EDIL3: variants seen among roughly 807,000 people sequenced by gnomAD.
EDIL3 encodes the protein EGF like and discoidin domains 3, also known as EGF-like repeat and discoidin I-like domain-containing protein 3.
Under a neutral mutation model 67.4 loss-of-function variants are expected in EDIL3, and 37 were observed. The ratio of observed to expected loss-of-function variants is 0.55; its 90% confidence interval spans 0.42 to 0.72. EDIL3 has a LOEUF of 0.72. Among genes scored for constraint, EDIL3 ranks in the 30% least tolerant of loss-of-function variants. The pLI, the probability that EDIL3 is intolerant of heterozygous loss-of-function variation, is 0.00. For synonymous variants in EDIL3, 195 were observed against 196.3 expected, an observed-to-expected ratio of 0.99 and a Z score of 0.05; for missense variants, 527 against 586.3, an observed-to-expected ratio of 0.90 and a Z score of 1.04.
At chr5:84,353,344 T>C (rs978571722) in intron 1 of EDIL3, among the ~76,000 whole-genome samples, 1 of 152,188 alleles carries the variant, frequency 6.6e-6, no homozygotes, top group African/African-American at 2.4e-5. Flanking sequence ...GATTGAGCTC[T>C]GAAGACTTAT....
At chr5:84,351,651 A>C (rs1033861581) in intron 1 of EDIL3, among the ~76,000 whole-genome samples, 1 of 152,204 alleles carries the variant, frequency 6.6e-6, no homozygotes, top group African/African-American at 2.4e-5. Context: ...TCATTTATGA[A>C]TTATTGCCTG....
chr5:84,129,267 C>T (rs2112306531), intron 5 of EDIL3, among the ~76,000 whole-genome samples: 1 of 152,044 alleles, frequency 6.6e-6, no homozygotes, highest in South Asian at 2.1e-4. Context: ...GAAATTGTTT[C>T]TTTCTTTATT....
intron 9 of EDIL3, among the ~76,000 whole-genome samples, chr5:83,988,101 T>C (rs1745087950): frequency 6.6e-6 from 1 of 152,036 alleles, no homozygotes; most frequent in African/African-American, 2.4e-5. Flanking sequence ...AAATCCACAC[T>C]AAAATTGATC....
rs137906410 is a variant in EDIL3 at position 84,249,312 on chromosome 5, C to T, written c.196+4772G>A. Among the ~76,000 whole-genome samples the T allele has an allele frequency of 2.8e-3, 421 of 152,232 alleles. 3 individuals carry two copies. Among genetic ancestry groups the T allele is most frequent in the African/African-American group, 9.6e-3 (399 of 41,542 alleles). ...GCATTCCTTTACACTTAGCTTAAAG[C>T]AAGACATCTGCTTTATATTTTTATG... On this transcript the variant is annotated intron_variant, in intron 2 of 10. Coordinates refer to ENST00000296591, the MANE Select transcript of EDIL3 (RefSeq NM_005711.5).
chr5:84,142,791 A>G (rs1462444649), intron 4 of EDIL3, among the ~76,000 whole-genome samples: 1 of 151,366 alleles, frequency 6.6e-6, no homozygotes, highest in East Asian at 1.9e-4. Context: ...TTTTTTGGAT[A>G]TATTAAAAGG....
At chr5:84,090,840 T>C (rs1308379909) in intron 6 of EDIL3, among the ~76,000 whole-genome samples, 1 of 151,204 alleles carries the variant, frequency 6.6e-6, no homozygotes, top group East Asian at 1.9e-4. Context: ...CCCAGCTACT[T>C]GGGAAGCTGA....
intron 1 of EDIL3, among the ~76,000 whole-genome samples, chr5:84,309,155 T>C (rs1189138133): frequency 1.3e-5 from 2 of 152,152 alleles, no homozygotes; most frequent in South Asian, 2.1e-4. Context: ...AAGATTAGTA[T>C]CTCATGACAG....
intron 1 of EDIL3, among the ~76,000 whole-genome samples, chr5:84,302,547 C>T (rs1356901880): frequency 2.6e-5 from 4 of 152,178 alleles, no homozygotes; most frequent in Admixed American, 6.5e-5. Context: ...CCGCCTGCCT[C>T]GGCCTCGCAA....
At chr5:84,064,603 T>A (rs1746600485) in intron 8 of EDIL3, 97 bp downstream of exon 8, 1 of 1,427,474 alleles carries the variant, frequency 7.0e-7, no homozygotes, top group Non-Finnish European at 9.3e-7. Context: ...AAAAAATTTC[T>A]ATGGTTGTTG....
At chr5:84,241,969 C>T (rs1437422931) in intron 2 of EDIL3, among the ~76,000 whole-genome samples, 2 of 151,520 alleles carry the variant, frequency 1.3e-5, no homozygotes, top group Non-Finnish European at 2.9e-5. Context: ...GCCTGTAATC[C>T]CAGCACTTTG....
intron 1 of EDIL3, among the ~76,000 whole-genome samples, chr5:84,310,165 G>A (rs1176937431): frequency 6.6e-6 from 1 of 152,066 alleles, no homozygotes; most frequent in Non-Finnish European, 1.5e-5. Context: ...CAAAATAACT[G>A]AACCTTGAAA....
intron 1 of EDIL3, among the ~76,000 whole-genome samples, chr5:84,347,076 T>C (rs1747253507): frequency 6.6e-6 from 1 of 152,226 alleles, no homozygotes; most frequent in African/African-American, 2.4e-5. Flanking sequence ...GTCCTAGCTC[T>C]GGGATTCAAA....
chr5:84,325,612 G>A (rs1225235358), intron 1 of EDIL3, among the ~76,000 whole-genome samples: 1 of 152,030 alleles, frequency 6.6e-6, no homozygotes, highest in African/African-American at 2.4e-5. Context: ...GATTTATCAT[G>A]TGATCTGTTA....
intron 1 of EDIL3, among the ~76,000 whole-genome samples, chr5:84,351,550 C>G (rs555015836): frequency 2.0e-5 from 3 of 152,096 alleles, no homozygotes; most frequent in Non-Finnish European, 2.9e-5. Context: ...TTTTCCTCAT[C>G]TATCAAAAGG....
intron 9 of EDIL3, among the ~76,000 whole-genome samples, chr5:84,045,949 A>G (rs2301083): frequency 0.19 from 28,822 of 152,204 alleles, 3,037 homozygotes; most frequent in Admixed American, 0.24. Flanking sequence ...GAAATATTAC[A>G]AAAGTCTCTA....
Position 84,238,665 on chromosome 5 carries a change from G to GGTTTTTT in EDIL3, c.197-8782_197-8781insAAAAAAC, listed in dbSNP as rs1554037699. Among the ~76,000 whole-genome samples, 4 of 101,106 alleles carry GGTTTTTT rather than the reference G, an allele frequency of 4.0e-5. 1 individual carries two copies. The highest frequency in any genetic ancestry group is 6.9e-4 in the South Asian group (2 of 2,900). The allele number at this position is 101,106 out of a possible 152,430, so 66.3% of individuals were successfully genotyped here. On this transcript the variant is annotated intron_variant, in intron 2 of 10. Coordinates refer to ENST00000296591, the MANE Select transcript of EDIL3 (RefSeq NM_005711.5). ...GTTACAACAGGAGCTAAAATTAAAT[G>GGTTTTTT]TTTTTTTTTTTTTTTTTTCAGAATC...
At chr5:83,993,294 T>C (rs1438582711) in intron 9 of EDIL3, among the ~76,000 whole-genome samples, 1 of 152,166 alleles carries the variant, frequency 6.6e-6, no homozygotes, top group Non-Finnish European at 1.5e-5. Flanking sequence ...TACCTCAGCC[T>C]CCTGAGTAGC....
chr5:84,212,276 G>A (rs182457912), intron 3 of EDIL3, among the ~76,000 whole-genome samples: 45 of 152,174 alleles, frequency 3.0e-4, no homozygotes, highest in Non-Finnish European at 4.9e-4. Flanking sequence ...CTAAGAAACA[G>A]GAGAAAAGAC....
At chr5:84,061,430 C>T (rs1746539589) in intron 8 of EDIL3, among the ~76,000 whole-genome samples, 1 of 152,110 alleles carries the variant, frequency 6.6e-6, no homozygotes, top group African/African-American at 2.4e-5. Context: ...ATGATTCTAT[C>T]ATCATATGAG....
Sources: allele counts gnomAD v4.1 joint callset (sites outside exome capture counted in the v4.1 genomes callset), GRCh38; gene constraint gnomAD v4.1.1; transcripts MANE v1.5; gene names NCBI Gene and HGNC (gene_info 2026-07-23, HGNC 2026-07-21).